Variants in PLCL1 observed in about 807,000 individuals in gnomAD.
The protein encoded by PLCL1 is inactive phospholipase C-like protein 1.
In PLCL1, 41 loss-of-function variants were observed where a neutral mutation model predicts 84.4. The ratio of observed to expected loss-of-function variants is 0.49; its 90% CI spans 0.38 to 0.63. The LOEUF is 0.63. Ranked by LOEUF, PLCL1 falls within the 30% of genes least tolerant of loss-of-function variation. PLCL1 has a pLI of 0.00. For missense variants in PLCL1, 1,206 were observed against 1,367.8 expected (o/e 0.88, Z 1.87); for synonymous variants, 490 against 488.3 (o/e 1.00, Z -0.05).
intron 1 of PLCL1, among the ~76,000 whole-genome samples, chr2:197,982,302 G>C (rs563124201): frequency 1.3e-5 from 2 of 151,954 alleles, no homozygotes; most frequent in Non-Finnish European, 2.9e-5. Context: ...TGTCTTTTGG[G>C]CTTCCTATTT....
At chr2:198,062,921 C>A (rs936184806) in intron 1 of PLCL1, among the ~76,000 whole-genome samples, 6 of 152,054 alleles carry the variant, frequency 3.9e-5, no homozygotes, top group Admixed American at 2.0e-4. Flanking sequence ...TATTAAAACC[C>A]AAAATTTCTG....
intron 1 of PLCL1, among the ~76,000 whole-genome samples, chr2:198,033,939 T>G (rs1030649518): frequency 1.3e-5 from 2 of 152,112 alleles, no homozygotes; most frequent in Non-Finnish European, 2.9e-5. Context: ...CTGTATGTGG[T>G]GCACACGTTT....
chr2:197,953,657 C>T (rs1024886534), intron 1 of PLCL1, among the ~76,000 whole-genome samples: 1 of 151,994 alleles, frequency 6.6e-6, no homozygotes, highest in Non-Finnish European at 1.5e-5. Flanking sequence ...CAATCATGCT[C>T]TTACTTATAT....
At chr2:197,867,173 A>G (rs186927283) in intron 1 of PLCL1, among the ~76,000 whole-genome samples, 1 of 152,158 alleles carries the variant, frequency 6.6e-6, no homozygotes. Context: ...GGTTCAGGGA[A>G]GGGCATTTCT....
At chr2:197,971,531 G>A (rs764120440) in intron 1 of PLCL1, among the ~76,000 whole-genome samples, 3 of 152,136 alleles carry the variant, frequency 2.0e-5, no homozygotes, top group Non-Finnish European at 2.9e-5. Flanking sequence ...GCTAAGGAGC[G>A]GCAGGGGAGG....
chr2:198,062,922 A>C (rs1039824782), intron 1 of PLCL1, among the ~76,000 whole-genome samples: 1 of 152,178 alleles, frequency 6.6e-6, no homozygotes, highest in Non-Finnish European at 1.5e-5. Context: ...ATTAAAACCC[A>C]AAATTTCTGA....
At chr2:198,119,780 T>C (rs1171044696) in intron 5 of PLCL1, among the ~76,000 whole-genome samples, 1 of 151,998 alleles carries the variant, frequency 6.6e-6, no homozygotes, top group Non-Finnish European at 1.5e-5. Context: ...CTTTTTCTCA[T>C]ACAAAATCCT....
chr2:197,909,986 T>C (rs1293098042), intron 1 of PLCL1, among the ~76,000 whole-genome samples: 1 of 152,186 alleles, frequency 6.6e-6, no homozygotes. Context: ...CAGACTTTGT[T>C]TGAATCTTTG....
At chr2:197,833,643 G>A (rs187890068) in intron 1 of PLCL1, among the ~76,000 whole-genome samples, 2 of 151,938 alleles carry the variant, frequency 1.3e-5, no homozygotes, top group Admixed American at 6.6e-5. Context: ...CCTCTTCAAG[G>A]AGGACTACAA....
chr2:198,113,954 A>G (rs1484196666), intron 5 of PLCL1, among the ~76,000 whole-genome samples: 3 of 151,770 alleles, frequency 2.0e-5, no homozygotes, highest in Admixed American at 6.6e-5. Context: ...AGGATGTTAT[A>G]AGGTTGGTTT....
intron 1 of PLCL1, among the ~76,000 whole-genome samples, chr2:197,822,000 G>C (rs534374282): frequency 6.6e-6 from 1 of 152,256 alleles, no homozygotes; most frequent in East Asian, 1.9e-4. Context: ...TGCTACTAGG[G>C]TCTGTCTGTA....
At chr2:198,082,035 A>AT (rs1692726078) in intron 1 of PLCL1, among the ~76,000 whole-genome samples, 2 of 152,204 alleles carry the variant, frequency 1.3e-5, no homozygotes, top group Non-Finnish European at 2.9e-5. Flanking sequence ...TAACTTCTAT[A>AT]TAACACCCAA....
In PLCL1 at chr2:197,854,336, A is replaced by G. The variant is rs1687293649; in HGVS notation, c.240+48997A>G. 2.0e-5 allele frequency among the ~76,000 whole-genome samples: 3 copies of G among 152,156 alleles called. No individual in the cohort carries two copies. The South Asian group carries it at 6.2e-4, about 31-fold the overall frequency. On this transcript the variant is annotated intron_variant, in intron 1 of 5. Coordinates refer to ENST00000428675, the MANE Select transcript of PLCL1 (RefSeq NM_006226.4). ...CCAATTCAAACATAAATCTAAACAT[A>G]TATTGATTTCTTACTGAGTGAGGCT...
intron 1 of PLCL1, among the ~76,000 whole-genome samples, chr2:197,945,061 G>T (rs1689244135): frequency 6.6e-6 from 1 of 152,124 alleles, no homozygotes; most frequent in South Asian, 2.1e-4. Context: ...ATTCCTTATT[G>T]TTCAGAGTGT....
At chr2:198,004,555 C>T (rs1348190343) in intron 1 of PLCL1, among the ~76,000 whole-genome samples, 2 of 152,090 alleles carry the variant, frequency 1.3e-5, no homozygotes, top group Non-Finnish European at 2.9e-5. Flanking sequence ...TTAAAAAAAA[C>T]TTTGTGGCTC....
chr2:198,137,525 C>T (rs1694282354), intron 5 of PLCL1, among the ~76,000 whole-genome samples: 1 of 152,106 alleles, frequency 6.6e-6, no homozygotes, highest in African/African-American at 2.4e-5. Flanking sequence ...AGGCGGTAAC[C>T]TTCCAGAACA....
intron 1 of PLCL1, among the ~76,000 whole-genome samples, chr2:197,833,934 A>G (rs1691126891): frequency 6.6e-6 from 1 of 152,226 alleles, no homozygotes; most frequent in Non-Finnish European, 1.5e-5. Flanking sequence ...GGCCACAGTA[A>G]CCAAAACAGC....
chr2:197,846,658 T>A (rs1687124915), intron 1 of PLCL1, among the ~76,000 whole-genome samples: 2 of 152,178 alleles, frequency 1.3e-5, no homozygotes, highest in South Asian at 2.1e-4. Context: ...CTGAAGACAA[T>A]TGGGGTGTAA....
chr2:197,934,006 G>A (rs6749221), intron 1 of PLCL1, among the ~76,000 whole-genome samples: 202 of 152,156 alleles, frequency 1.3e-3, no homozygotes, highest in African/African-American at 4.3e-3. Flanking sequence ...AAATCTGTAC[G>A]GCAAATGTAA....
Sources: gnomAD v4.1 joint callset for allele counts (sites outside exome capture counted in the v4.1 genomes callset) on GRCh38, gnomAD v4.1.1 for gene constraint, MANE v1.5 for transcripts, NCBI Gene and HGNC (gene_info 2026-07-23, HGNC 2026-07-21) for gene names.